Variants in ATG4A observed in about 807,000 individuals in gnomAD.
ATG4A encodes the protein cysteine protease ATG4A.
Under a neutral mutation model 38.4 loss-of-function variants are expected in ATG4A, and 22 were observed. That is an observed-to-expected ratio of 0.57 (90% CI 0.41 to 0.82). The LOEUF is 0.82. ATG4A is among the 40% of genes least tolerant of loss of function. ATG4A has a pLI of 0.00. For missense variants in ATG4A, 220 were observed against 290.0 expected (o/e 0.76, Z 1.75); for synonymous variants, 86 against 100.7 (o/e 0.85, Z 0.88).
chrX:108,115,900 A>G (rs1025219516), intron 1 of ATG4A, among the ~76,000 whole-genome samples: 1 of 112,386 alleles, frequency 8.9e-6, no homozygotes, highest in African/African-American at 3.2e-5. Context: ...ATGGGTTCGT[A>G]TTTTGTTTAG....
rs2033327567 is a variant in ATG4A, at chrX:108,142,487, G to A, written c.814+4296G>A. ...TATGTGTGAATATATATATGTGTGT[G>A]TGTGTATATAACATACATACACACA... On this transcript the variant is annotated intron_variant, in intron 9 of 12. Transcript: ENST00000372232. Among the ~76,000 whole-genome samples, 3 of 109,280 alleles carry A rather than the reference G, an allele frequency of 2.7e-5. No homozygotes were observed. The Admixed American group carries it at 3.0e-4, about 11-fold the overall frequency. The allele number at this position is 109,280 out of a possible 115,157, so 94.9% of individuals were successfully genotyped here. A position where few individuals can be genotyped will look rare whatever the true frequency, so the allele number is the denominator to read the frequency against.
chrX:108,150,126 G>A, intron 9 of ATG4A, 26 bp from the exon 10 acceptor site: 1 of 1,208,049 alleles, frequency 8.3e-7, no homozygotes, highest in Non-Finnish European at 1.1e-6. Flanking sequence ...ATCCTTTGAA[G>A]GTTAAGCATA....
At chrX:108,131,192 A>C in intron 3 of ATG4A, 68 bp from the exon 4 acceptor site, 1 of 995,633 alleles carries the variant, frequency 1.0e-6, no homozygotes, top group Non-Finnish European at 1.4e-6. Flanking sequence ...TGAGTCCCAA[A>C]TATGCTGATG....
In ATG4A at chrX:108,110,437, A is replaced by G. The variant is rs146216642; in HGVS notation, c.11-15640A>G. Among the ~76,000 whole-genome samples the G allele has an allele frequency of 4.4e-3, 490 of 110,774 alleles. 4 individuals carry two copies. Among genetic ancestry groups the G allele is most frequent in the African/African-American group, 0.015 (459 of 30,459 alleles). On this transcript the variant is annotated intron_variant, in intron 1 of 12. Coordinates refer to ENST00000372232, the MANE Select transcript of ATG4A (RefSeq NM_052936.5). Reference sequence around the variant, plus strand: ...AGCATATCCATCATCTGAAATATTTATCATTTTTTTTCTGTTGGGAGCATT... The same window carrying G: ...AGCATATCCATCATCTGAAATATTTGTCATTTTTTTTCTGTTGGGAGCATT...
At chrX:108,152,935 G>A in intron 11 of ATG4A, 44 bp from the exon 12 acceptor site, 1 of 1,007,836 alleles carries the variant, frequency 9.9e-7, no homozygotes, top group South Asian at 2.0e-5. Context: ...AATTAGAAAT[G>A]TTGTGACTCT....
chrX:108,109,877 T>C (rs891123739), intron 1 of ATG4A, among the ~76,000 whole-genome samples: 2 of 111,889 alleles, frequency 1.8e-5, no homozygotes, highest in African/African-American at 6.5e-5. Flanking sequence ...ACTGTAACTT[T>C]ATAATTCTTT....
intron 9 of ATG4A, among the ~76,000 whole-genome samples, chrX:108,139,323 A>AT (rs1484498599): frequency 8.9e-6 from 1 of 112,133 alleles, no homozygotes; most frequent in African/African-American, 3.2e-5. Context: ...AATAGGGCTA[A>AT]TGCCTGACTC....
At chrX:108,112,879 T>G in intron 1 of ATG4A, among the ~76,000 whole-genome samples, 1 of 110,906 alleles carries the variant, frequency 9.0e-6, no homozygotes, top group Non-Finnish European at 1.9e-5. Flanking sequence ...TGTGTGTGTG[T>G]GGGAAACCAT....
intron 6 of ATG4A, 88 bp downstream of exon 6, chrX:108,134,499 T>G: frequency 1.2e-6 from 1 of 862,448 alleles, no homozygotes; most frequent in Non-Finnish European, 1.7e-6. Flanking sequence ...AACCGAGGTA[T>G]TCTTGCAATC....
At chrX:108,137,295 G>A (rs766730400) in intron 7 of ATG4A, 125 bp downstream of exon 7, 546 of 524,435 alleles carry the variant, frequency 1.0e-3, no homozygotes, top group Non-Finnish European at 1.5e-3. Flanking sequence ...GCTTAGGGGA[G>A]CACAGGGCTC....
chrX:108,091,134 A>G (rs1042276263), upstream of ATG4A, among the ~76,000 whole-genome samples: 1 of 113,622 alleles, frequency 8.8e-6, no homozygotes, highest in Admixed American at 9.2e-5. Context: ...CTTTTCACTG[A>G]TTGGGAGTTT....
At chrX:108,122,263 G>C (rs112948423) in intron 1 of ATG4A, among the ~76,000 whole-genome samples, 1 of 112,004 alleles carries the variant, frequency 8.9e-6, no homozygotes, top group African/African-American at 3.2e-5. Flanking sequence ...GTAGTCAATT[G>C]CCGGAAGCCA....
Position 108,100,875 on chromosome X carries a change from C to T in ATG4A, c.10+9039C>T, listed in dbSNP as rs141657694. On this transcript the variant is annotated intron_variant, in intron 1 of 12. Coordinates refer to ENST00000372232, the MANE Select transcript of ATG4A (RefSeq NM_052936.5). Reference sequence around the variant, plus strand: ...TTTAATTTTTTGGTACTGTCTTTGTCTGATTTTGGTATCAGTGCAATATTG... The same window carrying T: ...TTTAATTTTTTGGTACTGTCTTTGTTTGATTTTGGTATCAGTGCAATATTG... Among the ~76,000 whole-genome samples the T allele has an allele frequency of 8.3e-3, 922 of 111,215 alleles. 7 individuals carry two copies. The highest frequency in any genetic ancestry group is 0.015 in the Non-Finnish European group (774 of 52,819).
intron 9 of ATG4A, among the ~76,000 whole-genome samples, chrX:108,145,014 C>A (rs1044755718): frequency 1.8e-5 from 2 of 112,161 alleles, no homozygotes; most frequent in Non-Finnish European, 3.8e-5. Context: ...GTGCCTCTTT[C>A]TTGGTTGTAG....
chrX:108,103,773 A>G (rs1360692286), intron 1 of ATG4A, among the ~76,000 whole-genome samples: 1 of 112,256 alleles, frequency 8.9e-6, no homozygotes, highest in Non-Finnish European at 1.9e-5. Context: ...TATCCACCCC[A>G]CACTTTATGT....
At chrX:108,117,203 A>G (rs1439403762) in intron 1 of ATG4A, among the ~76,000 whole-genome samples, 1 of 111,036 alleles carries the variant, frequency 9.0e-6, no homozygotes, top group Non-Finnish European at 1.9e-5. Context: ...CAAACGTTAA[A>G]CCTTAGGAGA....
chrX:108,142,302 G>GA (rs1269047459), intron 9 of ATG4A, among the ~76,000 whole-genome samples: 2 of 110,793 alleles, frequency 1.8e-5, no homozygotes, highest in Non-Finnish European at 3.8e-5. Context: ...CAGCTACTTG[G>GA]AAGGCTGGGA....
chrX:108,126,817 C>T (rs975897214), intron 2 of ATG4A: 47 of 931,316 alleles, frequency 5.0e-5, no homozygotes, highest in Admixed American at 6.1e-5. Flanking sequence ...ACCTTTTAAC[C>T]TGAAACTGCT....
intron 1 of ATG4A, among the ~76,000 whole-genome samples, chrX:108,098,691 CTG>C (rs908695629): frequency 1.8e-5 from 2 of 111,521 alleles, no homozygotes; most frequent in African/African-American, 3.3e-5. Context: ...TTTTCTATAA[CTG>C]TCATTTTAAG....
Sources: allele counts gnomAD v4.1 joint callset (sites outside exome capture counted in the v4.1 genomes callset), GRCh38; gene constraint gnomAD v4.1.1; transcripts MANE v1.5; gene names NCBI Gene and HGNC (gene_info 2026-07-23, HGNC 2026-07-21).